The following CLDN16 variants were observed in gnomAD, a reference collection of about 807,000 sequenced individuals.
The protein encoded by CLDN16 is claudin-16.
Under a neutral mutation model 24.6 loss-of-function variants are expected in CLDN16, and 13 were observed. The ratio of observed to expected loss-of-function variants is 0.53; its 90% CI spans 0.34 to 0.84. The LOEUF (loss-of-function observed/expected upper bound fraction) is 0.84, where lower values mean the gene tolerates loss of function less well. CLDN16 is among the 40% of genes least tolerant of loss of function. The pLI is 0.01. For missense variants in CLDN16, 298 were observed against 292.7 expected (o/e 1.02, Z -0.13); for synonymous variants, 116 against 106.7 (o/e 1.09, Z -0.54).
At chr3:190,297,623 T>G in the CLDN16 span, among the ~76,000 whole-genome samples, 1 of 110,028 alleles carries the variant, frequency 9.1e-6, no homozygotes, top group Non-Finnish European at 2.0e-5. Flanking sequence ...ATCTATAATA[T>G]AATATATAAT....
intron 1 of CLDN16, among the ~76,000 whole-genome samples, chr3:190,325,156 G>T (rs1717032371): frequency 1.3e-5 from 2 of 152,146 alleles, no homozygotes; most frequent in South Asian, 4.1e-4. Context: ...AGTTTTATAT[G>T]CTATCTCTAC....
intron 2 of CLDN16, among the ~76,000 whole-genome samples, chr3:190,372,571 G>C (rs1405590272): frequency 6.6e-6 from 1 of 151,878 alleles, no homozygotes; most frequent in East Asian, 2.0e-4. Context: ...TTGAGCCTAA[G>C]AGTTTGAGGC....
At chr3:190,358,039 T>C (rs1165141428) in intron 1 of CLDN16, among the ~76,000 whole-genome samples, 1 of 151,836 alleles carries the variant, frequency 6.6e-6, no homozygotes, top group Non-Finnish European at 1.5e-5. Flanking sequence ...ATATATAGAA[T>C]AGGATTCTAA....
chr3:190,361,719 A>T (rs1337808228), intron 1 of CLDN16, among the ~76,000 whole-genome samples: 1 of 149,938 alleles, frequency 6.7e-6, no homozygotes, highest in East Asian at 2.0e-4. Context: ...CCAAGAAATC[A>T]TTTTTTTTTT....
chr3:190,323,279 G>A (rs1294791462), intron 1 of CLDN16, among the ~76,000 whole-genome samples: 1 of 152,158 alleles, frequency 6.6e-6, no homozygotes, highest in African/African-American at 2.4e-5. Flanking sequence ...TCCCTGAAAG[G>A]TGTTAATTTT....
chr3:190,310,412 T>G, the CLDN16 span, among the ~76,000 whole-genome samples: 1 of 152,180 alleles, frequency 6.6e-6, no homozygotes, highest in Non-Finnish European at 1.5e-5. Flanking sequence ...CAGATATGAT[T>G]TATTCCAAGT....
intron 3 of CLDN16, among the ~76,000 whole-genome samples, chr3:190,375,884 C>CA (rs11358264): frequency 6.6e-6 from 1 of 151,382 alleles, no homozygotes; most frequent in African/African-American, 2.4e-5. Context: ...CCTCCCCCCA[C>CA]AAAAAAACAC....
chr3:190,378,780 C>T (rs748111538), intron 3 of CLDN16, among the ~76,000 whole-genome samples: 55 of 151,984 alleles, frequency 3.6e-4, no homozygotes, highest in African/African-American at 1.3e-3. Flanking sequence ...TTCCACTGGA[C>T]GTTTGCCTGT....
intron 1 of CLDN16, 36 bp downstream of exon 1, chr3:190,388,479 C>T (rs1386291617): frequency 2.5e-6 from 4 of 1,599,680 alleles, no homozygotes; most frequent in South Asian, 1.1e-5. Context: ...TGATCCAGGC[C>T]AGCCCAAATT....
At chr3:190,336,431 C>A (rs1323387545) in intron 1 of CLDN16, among the ~76,000 whole-genome samples, 1 of 152,134 alleles carries the variant, frequency 6.6e-6, no homozygotes, top group South Asian at 2.1e-4. Context: ...AGGTAAAGGG[C>A]AAAGTTATGG....
At chr3:190,393,583 A>G (rs1220196697) in intron 1 of CLDN16, among the ~76,000 whole-genome samples, 2 of 152,134 alleles carry the variant, frequency 1.3e-5, no homozygotes, top group Non-Finnish European at 2.9e-5. Context: ...TAGATACATT[A>G]TTGTCTATTT....
upstream of CLDN16, chr3:190,387,919 A>G (rs1718546023): frequency 3.3e-6 from 2 of 605,872 alleles, no homozygotes; most frequent in Admixed American, 2.8e-5. Flanking sequence ...TAGAGGGCCT[A>G]AGAAAGATCA....
At chr3:190,300,983 G>C in the CLDN16 span, among the ~76,000 whole-genome samples, 1 of 152,112 alleles carries the variant, frequency 6.6e-6, no homozygotes, top group Non-Finnish European at 1.5e-5. Flanking sequence ...AATAAATTTG[G>C]TTTCTGCCAT....
At chr3:190,325,556 C>A (rs913102548) in intron 1 of CLDN16, among the ~76,000 whole-genome samples, 1 of 152,082 alleles carries the variant, frequency 6.6e-6, no homozygotes, top group Non-Finnish European at 1.5e-5. Flanking sequence ...TGTGCTTGTG[C>A]GACTGATGCT....
chr3:190,304,494 A>T, the CLDN16 span, among the ~76,000 whole-genome samples: 4 of 152,178 alleles, frequency 2.6e-5, no homozygotes, highest in African/African-American at 9.7e-5. Context: ...AAACTTATCA[A>T]TAGAAGTGGA....
intron 1 of CLDN16, among the ~76,000 whole-genome samples, chr3:190,392,545 G>A (rs747585985): frequency 3.3e-5 from 5 of 152,104 alleles, no homozygotes; most frequent in Admixed American, 2.6e-4. Flanking sequence ...TAGGTGAACC[G>A]ACAGTTATAG....
the CLDN16 span, among the ~76,000 whole-genome samples, chr3:190,305,148 A>G: frequency 6.6e-6 from 1 of 152,204 alleles, no homozygotes; most frequent in Non-Finnish European, 1.5e-5. Flanking sequence ...CCATCATGCT[A>G]ATGTCTGAGA....
intron 1 of CLDN16, among the ~76,000 whole-genome samples, chr3:190,345,367 C>T (rs1233642892): frequency 6.6e-6 from 1 of 152,180 alleles, no homozygotes; most frequent in African/African-American, 2.4e-5. Flanking sequence ...TTGACTTCTC[C>T]TCCCTTAGTT....
chr3:190,363,598 T>TATA (rs1560088078), intron 1 of CLDN16, among the ~76,000 whole-genome samples: 2 of 55,116 alleles, frequency 3.6e-5, no homozygotes, highest in African/African-American at 1.2e-4. Context: ...ATATATATAT[T>TATA]TTCTTTCTCC....
Sources: allele counts gnomAD v4.1 joint callset (sites outside exome capture counted in the v4.1 genomes callset), GRCh38; gene constraint gnomAD v4.1.1; transcripts MANE v1.5; gene names NCBI Gene and HGNC (gene_info 2026-07-23, HGNC 2026-07-21).